MYO18A: variants seen among roughly 807,000 people sequenced by gnomAD.
MYO18A encodes unconventional myosin-XVIIIa.
In MYO18A, 78 loss-of-function variants were observed where a neutral mutation model predicts 235.8. That is an observed-to-expected ratio of 0.33 (90% CI 0.28 to 0.40). The LOEUF (loss-of-function observed/expected upper bound fraction) is 0.40. Among genes scored for constraint, MYO18A ranks in the 10% least tolerant of loss-of-function variants. The pLI is 1.00. For synonymous variants in MYO18A, 977 were observed against 1,077.8 expected (o/e 0.91, Z 1.83); for missense variants, 2,215 against 2,699.3 (o/e 0.82, Z 3.98).
intron 40 of MYO18A, among the ~76,000 whole-genome samples, chr17:29,085,239 C>CG (rs1039602791): frequency 6.6e-6 from 1 of 152,262 alleles, no homozygotes; most frequent in Non-Finnish European, 1.5e-5. Context: ...CCCAAACAGA[C>CG]TTTTCCCCCC....
At chr17:29,094,381 G>A in intron 30 of MYO18A, 1 of 600,922 alleles carries the variant, frequency 1.7e-6, no homozygotes, top group East Asian at 2.8e-5. Context: ...TAGCAGGCTG[G>A]GTGGGCCTGT....
chr17:29,122,013 T>C, intron 3 of MYO18A, 56 bp from the exon 4 acceptor site: 2 of 1,583,782 alleles, frequency 1.3e-6, no homozygotes, highest in Non-Finnish European at 1.7e-6. Flanking sequence ...GCTACTCCAC[T>C]TGGGAACTTC....
At chr17:29,124,697 A>G in intron 2 of MYO18A, 1 of 1,283,332 alleles carries the variant, frequency 7.8e-7, no homozygotes, top group Non-Finnish European at 1.0e-6. Flanking sequence ...AGCTACCGAC[A>G]GCAAGCAAAG....
At position 29,092,796 on chromosome 17, in the gene MYO18A, A is replaced by G. The variant is rs1353249286; in HGVS notation, c.5073+59T>C. On this transcript the variant is annotated intron_variant, in intron 33 of 41. Transcript: ENST00000527372. ...CCACTGAGAGGAGCGAGAGAGAGAAAGAGAATGGAAAGGTAAGCTCTGTTG... is the reference window on the plus strand; with the variant it reads ...CCACTGAGAGGAGCGAGAGAGAGAAGGAGAATGGAAAGGTAAGCTCTGTTG... The G allele has an allele frequency of 2.5e-6, 4 of 1,588,760 alleles. No homozygotes were observed. In the African/African-American group the frequency reaches 4.0e-5, roughly 16 times the overall value.
At chr17:29,089,238 C>T (rs2066334016) in intron 37 of MYO18A, among the ~76,000 whole-genome samples, 1 of 151,116 alleles carries the variant, frequency 6.6e-6, no homozygotes, top group African/African-American at 2.4e-5. Context: ...CAAGACCATC[C>T]TGGCCAACAT....
chr17:29,168,451 A>C (rs956081500), intron 1 of MYO18A, among the ~76,000 whole-genome samples: 2 of 150,746 alleles, frequency 1.3e-5, no homozygotes, highest in Admixed American at 1.3e-4. Context: ...ATGCCACCTA[A>C]TTGGAAATTA....
chr17:29,171,861 C>G (rs531027451), intron 1 of MYO18A, among the ~76,000 whole-genome samples: 1 of 151,268 alleles, frequency 6.6e-6, no homozygotes, highest in South Asian at 2.1e-4. Flanking sequence ...CCATTGCATT[C>G]CAGCCTGGGT....
At position 29,126,067 on chromosome 17, in the gene MYO18A, G is replaced by A; in HGVS notation, c.1000-3814C>T. 1.7e-6 allele frequency: 1 copy of A among 593,268 alleles called. No individual in the cohort carries two copies. Among genetic ancestry groups the A allele is most frequent in the Non-Finnish European group, 2.1e-6 (1 of 470,904 alleles). The allele number at this position is 593,268 out of a possible 1,614,324, so 36.8% of individuals were successfully genotyped here. ...GCCACTGGGACCCACTAGGGAAGGG[G>A]AGCAGCGCCAGGGAGCAAGCCGCGC... On this transcript the variant is annotated intron_variant, in intron 2 of 41. Coordinates refer to ENST00000527372, the MANE Select transcript of MYO18A (RefSeq NM_078471.4). The surrounding 1 kb of genome is among the most constrained non-coding windows in gnomAD (Gnocchi z 4.1).
rs1286154261 is a variant in MYO18A at position 29,165,624 on chromosome 17, C to T, written c.999+318G>A. 6 of 328,494 alleles carry T rather than the reference C, an allele frequency of 1.8e-5. No homozygotes were observed. The Admixed American group carries it at 2.7e-4, about 15-fold the overall frequency. 20.3% of individuals were successfully genotyped at this position (328,494 alleles called of 1,614,324 possible). A position where few individuals can be genotyped will look rare whatever the true frequency, so the allele number is the denominator to read the frequency against. On this transcript the variant is annotated intron_variant, in intron 2 of 41. Coordinates refer to ENST00000527372, the MANE Select transcript of MYO18A (RefSeq NM_078471.4). ...CTGCTCAGAATTCTACTGCAGTGAA[C>T]CTTTGGGGACTTGTCCTCAGCTCCC...
chr17:29,080,108 C>G, intron 41 of MYO18A: 1 of 985,952 alleles, frequency 1.0e-6, no homozygotes, highest in Non-Finnish European at 1.2e-6. Context: ...GACACATCAG[C>G]AGCAGAGGCG....
rs1213179199 is a variant in MYO18A, at chr17:29,090,816, C to A, written c.5298G>T (p.Val1766=). 1 of 1,613,750 alleles carries A rather than the reference C, an allele frequency of 6.2e-7. No homozygotes were observed. Among genetic ancestry groups the A allele is most frequent in the Admixed American group, 1.7e-5 (1 of 60,012 alleles). Residue 1766 remains valine (V), a synonymous_variant, in exon 35 of 42, where the codon GTG becomes GTT. Coordinates refer to ENST00000527372, the MANE Select transcript of MYO18A (RefSeq NM_078471.4). ...GCACTCCTGGCAGGGGTACCTGAGCCACGGCAGCCTTGTGCTTCTTCATCA... is the reference window on the plus strand; with the variant it reads ...GCACTCCTGGCAGGGGTACCTGAGCAACGGCAGCCTTGTGCTTCTTCATCA... ...NELMKKHKAA[V]AQASRDLAQI...
Position 29,166,449 on chromosome 17 carries a change from C to A in MYO18A, c.492G>T (p.Ser164=). 3.1e-6 allele frequency: 5 copies of A among 1,613,746 alleles called. No individual in the cohort carries two copies. The highest frequency in any genetic ancestry group is 4.2e-6 in the Non-Finnish European group (5 of 1,179,866). ...STPSEHSAAP[S]PQVEVRTLEG... is the part of the protein sequence containing the mutation. ...CTAGAGTCCTCACCTCCACCTGTGG[C>A]GAGGGGGCGGCAGAGTGCTCTGAGG... The change falls in exon 2 of 42, where the codon TCG becomes TCT. Residue 164 remains serine (S), a synonymous_variant. Transcript: ENST00000527372.
chr17:29,074,943 A>G lies in MYO18A; in HGVS notation c.6021-29T>C. ...CAGGGACCGAGGAATAAGGTTAGGG[A>G]CAAATGACACTCCTACCATTAAGCA... On this transcript the variant is annotated intron_variant, in intron 41 of 41. Coordinates refer to ENST00000527372, the MANE Select transcript of MYO18A (RefSeq NM_078471.4). The surrounding 1 kb of genome is among the most constrained non-coding windows in gnomAD (Gnocchi z 4.4). The G allele has an allele frequency of 1.9e-6, 3 of 1,612,764 alleles. No homozygotes were observed. Among genetic ancestry groups the G allele is most frequent in the Non-Finnish European group, 1.7e-6 (2 of 1,178,884 alleles).
chr17:29,116,911 C>T lies in MYO18A; in HGVS notation c.2039-456G>A, dbSNP rs977882052. 9.2e-5 allele frequency among the ~76,000 whole-genome samples: 14 copies of T among 152,098 alleles called. No homozygotes were observed. In the South Asian group the frequency reaches 2.3e-3, roughly 25 times the overall value. On this transcript the variant is annotated intron_variant, in intron 10 of 41. Coordinates refer to ENST00000527372, the MANE Select transcript of MYO18A (RefSeq NM_078471.4). The stretch of plus-strand genomic sequence containing the variant: ...TAACTTCCCTCAACACACAGCCACA[C>T]GCCTGCCCGCCTGTCTGTCCTCCAC...
At chr17:29,103,916 G>A (rs1048293720) in intron 20 of MYO18A, among the ~76,000 whole-genome samples, 10 of 152,254 alleles carry the variant, frequency 6.6e-5, no homozygotes, top group East Asian at 1.9e-4. Flanking sequence ...TCGCACCTAC[G>A]CAAGGCACCT....
chr17:29,111,446 G>T lies in MYO18A; in HGVS notation c.2878C>A (p.Arg960=). ...TACTTCTGGGAGTCCTGCAGGAGCC[G>T]GGGGGCATTCTGGGTGGCTGGGTTC... ...KQNPATQNAP[R]LLQDSQKKII... is the part of the protein sequence containing the mutation. Residue 960 remains arginine, a synonymous_variant, in exon 17 of 42, where the codon CGG becomes AGG. Transcript: ENST00000527372. This position sits in a 1 kb window ranked among gnomAD's most constrained non-coding sequence, Gnocchi z 5.1. 1 of 1,612,032 alleles carries T rather than the reference G, an allele frequency of 6.2e-7. No individual in the cohort carries two copies.
chr17:29,093,890 G>A (rs938354173), intron 31 of MYO18A, 90 bp downstream of exon 31: 20 of 886,166 alleles, frequency 2.3e-5, no homozygotes, highest in African/African-American at 3.3e-5. Context: ...AGACGATGTG[G>A]CTGAGGTAGG....
At position 29,166,249 on chromosome 17, in the gene MYO18A, AAGTCTC is replaced by A; in HGVS notation, c.686_691del (p.Gly229_Phe231delinsVal). The A allele has an allele frequency of 6.2e-7, 1 of 1,612,998 alleles. No homozygotes were observed. On this transcript the variant is annotated inframe_deletion, in exon 2 of 42. Transcript: ENST00000527372. Reference sequence around the variant, plus strand: ...GGTTGTGCGCCGCAGGGAGAAGCCAAAGTCTCCAGTGGGCCGTCGTTGCAGCTCCAG... The same window carrying A: ...GGTTGTGCGCCGCAGGGAGAAGCCAACAGTGGGCCGTCGTTGCAGCTCCAG...
intron 2 of MYO18A, among the ~76,000 whole-genome samples, chr17:29,127,089 T>A (rs1022245705): frequency 1.3e-5 from 2 of 152,250 alleles, no homozygotes; most frequent in Non-Finnish European, 2.9e-5. Flanking sequence ...GGGACCGGCT[T>A]GGAGCATTAT....
Sources: gnomAD v4.1 joint callset for allele counts (sites outside exome capture counted in the v4.1 genomes callset) on GRCh38, gnomAD v4.1.1 for gene constraint, Gnocchi (gnomAD v3.1) non-coding constraint, MANE v1.5 for transcripts, NCBI Gene and HGNC (gene_info 2026-07-23, HGNC 2026-07-21) for gene names.